The following ATP11B variants were observed in gnomAD, a reference collection of about 807,000 sequenced individuals.
The protein encoded by ATP11B is phospholipid-transporting ATPase IF.
A neutral mutation model predicts 157.8 loss-of-function variants in ATP11B; 81 were observed. The ratio of observed to expected loss-of-function variants is 0.51; its 90% CI spans 0.43 to 0.62. The LOEUF is 0.62. Ranked by LOEUF, ATP11B falls within the 20% of genes least tolerant of loss-of-function variation. ATP11B has a pLI of 0.00. For synonymous variants in ATP11B, 451 were observed against 469.4 expected, an observed-to-expected ratio of 0.96 and a Z score of 0.51; for missense variants, 1,165 against 1,402.2, an observed-to-expected ratio of 0.83 and a Z score of 2.70.
At chr3:182,827,846 A>T (rs1228966697) in intron 2 of ATP11B, among the ~76,000 whole-genome samples, 3 of 152,014 alleles carry the variant, frequency 2.0e-5, no homozygotes, top group South Asian at 4.2e-4. Context: ...TCTAACTTCT[A>T]AAAAAACTGG....
intron 1 of ATP11B, among the ~76,000 whole-genome samples, chr3:182,815,570 A>C (rs1452014922): frequency 6.6e-6 from 1 of 152,182 alleles, no homozygotes; most frequent in East Asian, 1.9e-4. Context: ...ATGTGATCTA[A>C]ATAAAATTCT....
At chr3:182,831,551 C>T (rs138502293) in intron 4 of ATP11B, among the ~76,000 whole-genome samples, 18 of 146,290 alleles carry the variant, frequency 1.2e-4, no homozygotes, top group African/African-American at 4.4e-4. Context: ...GAGTCTAGAC[C>T]CTGGTTCCTT....
chr3:182,824,217 A>C (rs1553798098), intron 2 of ATP11B, among the ~76,000 whole-genome samples: 1 of 152,146 alleles, frequency 6.6e-6, no homozygotes, highest in Non-Finnish European at 1.5e-5. Flanking sequence ...TTGTGTAGTT[A>C]ATGTTTTGAA....
chr3:182,834,121 C>T (rs921093342), intron 4 of ATP11B, among the ~76,000 whole-genome samples: 4 of 152,104 alleles, frequency 2.6e-5, no homozygotes, highest in African/African-American at 9.7e-5. Context: ...CGTTGCTCTG[C>T]TATTAATGTC....
At chr3:182,807,355 A>G (rs1478939327) in intron 1 of ATP11B, among the ~76,000 whole-genome samples, 1 of 152,178 alleles carries the variant, frequency 6.6e-6, no homozygotes, top group Non-Finnish European at 1.5e-5. Flanking sequence ...AGAAAAAAAA[A>G]TGATCAAGAG....
intron 25 of ATP11B, among the ~76,000 whole-genome samples, chr3:182,894,683 G>A (rs989977019): frequency 1.3e-5 from 2 of 152,174 alleles, no homozygotes; most frequent in Non-Finnish European, 2.9e-5. Flanking sequence ...GACCTTGAAT[G>A]GGGCCTATGC....
chr3:182,875,533 CCG>C (rs1321630420), intron 19 of ATP11B, among the ~76,000 whole-genome samples: 4 of 152,184 alleles, frequency 2.6e-5, no homozygotes, highest in Admixed American at 2.6e-4. Flanking sequence ...CCTCCGCCTT[CCG>C]GGTTCAAGTG....
rs1723619163 is a variant in ATP11B at position 182,897,308 on chromosome 3, T to C, written c.3054T>C (p.Ala1018=). The change falls in exon 27 of 30, where the codon GCT becomes GCC. Residue 1018 remains alanine, a synonymous_variant. Transcript: ENST00000323116. ...ATATAAAAACTTTTTTTTAGATGGCTCTGGAAACTCATTTTTGGACTTGGA... is the reference window on the plus strand; with the variant it reads ...ATATAAAAACTTTTTTTTAGATGGCCCTGGAAACTCATTTTTGGACTTGGA... ...VMVITVTVKM[A]LETHFWTWIN... 2 of 1,564,644 alleles carry C rather than the reference T, an allele frequency of 1.3e-6. No homozygotes were observed. The highest frequency in any genetic ancestry group is 2.4e-5 in the South Asian group (2 of 81,652).
At chr3:182,885,925 A>AT in intron 22 of ATP11B, 26 bp from the exon 23 acceptor site, 2 of 1,438,876 alleles carry the variant, frequency 1.4e-6, no homozygotes, top group Non-Finnish European at 1.9e-6. Context: ...TATTTTAATT[A>AT]TTTTCCATTT....
chr3:182,831,137 C>T (rs1190153926), intron 4 of ATP11B, among the ~76,000 whole-genome samples: 1 of 152,150 alleles, frequency 6.6e-6, no homozygotes, highest in Non-Finnish European at 1.5e-5. Context: ...AACATTTCAA[C>T]TTTGTCATCT....
At chr3:182,895,038 G>A (rs552949918) in intron 25 of ATP11B, among the ~76,000 whole-genome samples, 10 of 149,330 alleles carry the variant, frequency 6.7e-5, no homozygotes, top group African/African-American at 1.2e-4. Context: ...GCTTGAGCCC[G>A]GGAGGTGGAG....
intron 1 of ATP11B, among the ~76,000 whole-genome samples, chr3:182,796,762 A>G (rs996586357): frequency 2.0e-5 from 3 of 152,340 alleles, no homozygotes; most frequent in African/African-American, 7.2e-5. Flanking sequence ...TAATTAATAG[A>G]TGAGGAAAGA....
chr3:182,869,210 C>G lies in ATP11B; in HGVS notation c.1763-18C>G. 1 of 1,597,260 alleles carries G rather than the reference C, an allele frequency of 6.3e-7. No homozygotes were observed. The highest frequency in any genetic ancestry group is 8.6e-7 in the Non-Finnish European group (1 of 1,169,042). On this transcript the variant is annotated intron_variant, in intron 16 of 29. Transcript: ENST00000323116. ...ATGTAATATTAAGAGTCTGATAACT[C>G]ATTTTTTTTGTCTCTAGGTGAGAAG...
At chr3:182,797,635 G>A (rs1330547367) in intron 1 of ATP11B, among the ~76,000 whole-genome samples, 2 of 152,068 alleles carry the variant, frequency 1.3e-5, no homozygotes, top group Non-Finnish European at 2.9e-5. Context: ...TTGAACGTGG[G>A]AGGCAAAGGT....
At chr3:182,894,338 C>A (rs1250345284) in intron 25 of ATP11B, among the ~76,000 whole-genome samples, 3 of 152,214 alleles carry the variant, frequency 2.0e-5, no homozygotes, top group Non-Finnish European at 4.4e-5. Context: ...AGGCATGGGC[C>A]ACCACGCCAG....
At chr3:182,875,130 A>C (rs1409670176) in intron 19 of ATP11B, among the ~76,000 whole-genome samples, 4 of 152,182 alleles carry the variant, frequency 2.6e-5, no homozygotes, top group Admixed American at 1.3e-4. Flanking sequence ...ATGATGCCCC[A>C]TTTAACACAG....
intron 19 of ATP11B, among the ~76,000 whole-genome samples, chr3:182,874,474 CAAGAA>C (rs1208654684): frequency 1.3e-5 from 2 of 151,662 alleles, no homozygotes; most frequent in East Asian, 1.9e-4. Context: ...CATGTCAAAA[CAAGAA>C]AAGAAAAGTG....
chr3:182,891,734 A>T (rs1723188461), intron 25 of ATP11B, among the ~76,000 whole-genome samples: 1 of 152,186 alleles, frequency 6.6e-6, no homozygotes, highest in African/African-American at 2.4e-5. Flanking sequence ...TGTCTATTGA[A>T]ATTAATCTGC....
chr3:182,844,497 A>T (rs936544121), intron 8 of ATP11B: 1 of 897,714 alleles, frequency 1.1e-6, no homozygotes, highest in Admixed American at 6.2e-5. Context: ...CACTAAGAAG[A>T]TCAATTTCCT....
Sources: gnomAD v4.1 joint callset for allele counts (sites outside exome capture counted in the v4.1 genomes callset) on GRCh38, gnomAD v4.1.1 for gene constraint, MANE v1.5 for transcripts, NCBI Gene and HGNC (gene_info 2026-07-23, HGNC 2026-07-21) for gene names.